The following TNN variants were observed in gnomAD, a reference collection of about 807,000 sequenced individuals.
TNN encodes tenascin N, also known as tenascin-N.
A neutral mutation model predicts 134.4 loss-of-function variants in TNN; 122 were observed. The ratio of observed to expected loss-of-function variants is 0.91; its 90% CI spans 0.78 to 1.06. The LOEUF is 1.06. Among genes scored for constraint, TNN ranks in the 50% least tolerant of loss-of-function variants. TNN has a pLI of 0.00. For missense variants in TNN, 1,739 were observed against 1,699.4 expected (o/e 1.02, Z -0.41); for synonymous variants, 710 against 670.3 (o/e 1.06, Z -0.91).
intron 9 of TNN, among the ~76,000 whole-genome samples, chr1:175,101,529 T>G (rs56288321): frequency 0.23 from 34,578 of 148,562 alleles, 4,371 homozygotes; most frequent in African/African-American, 0.31. Context: ...TTATTGTCTT[T>G]TCTGGCCCCA....
intron 12 of TNN, among the ~76,000 whole-genome samples, chr1:175,125,703 C>CTCTT (rs1173340653): frequency 0.014 from 928 of 66,278 alleles, 7 homozygotes; most frequent in Middle Eastern, 0.024. Context: ...TCTTTTTTCT[C>CTCTT]TCTTTCTTTC....
chr1:175,144,808 A>G (rs1431985176), intron 18 of TNN, among the ~76,000 whole-genome samples: 1 of 152,254 alleles, frequency 6.6e-6, no homozygotes, highest in Non-Finnish European at 1.5e-5. Flanking sequence ...GCCCACTGCC[A>G]TGTAATGACA....
Position 175,128,658 on chromosome 1 carries a change from G to A in TNN, c.3242G>A (p.Ser1081Asn). Residue 1081 changes from serine to asparagine, a missense_variant, in exon 15 of 19, where the codon AGT (serine) becomes AAT (asparagine). By Grantham distance (46) the Ser-to-Asn change is conservative. Coordinates refer to ENST00000239462, the MANE Select transcript of TNN (RefSeq NM_022093.2). ...SQVQQNSNAASGLYTIYLHGD... is the reference protein window; with the variant it reads ...SQVQQNSNAANGLYTIYLHGD... ...GTTCAGCAGAACAGCAATGCCGCCA[G>A]TGGTCTGTACACCATCTACCTGCAT... is the stretch of plus-strand genomic sequence containing the variant. 6.2e-7 allele frequency: 1 copy of A among 1,614,068 alleles called. No individual in the cohort carries two copies. The highest frequency in any genetic ancestry group is 8.5e-7 in the Non-Finnish European group (1 of 1,179,986).
At chr1:175,098,256 A>T in intron 8 of TNN, 76 bp from the exon 9 acceptor site, 1 of 1,596,094 alleles carries the variant, frequency 6.3e-7, no homozygotes, top group Non-Finnish European at 8.5e-7. Context: ...TGGAAGATGA[A>T]AATGATGAAG....
chr1:175,129,927 G>A (rs1031756883), intron 15 of TNN, among the ~76,000 whole-genome samples: 8 of 152,218 alleles, frequency 5.3e-5, no homozygotes, highest in South Asian at 2.1e-4. Flanking sequence ...TCTGAAAGAC[G>A]GAAACTTGGG....
chr1:175,069,507 G>A (rs893919960), intron 1 of TNN, among the ~76,000 whole-genome samples: 4 of 152,220 alleles, frequency 2.6e-5, no homozygotes, highest in African/African-American at 9.6e-5. Flanking sequence ...GCTGCTCTGT[G>A]GTTTGAAATG....
At chr1:175,084,845 G>C (rs1051475840) in intron 5 of TNN, among the ~76,000 whole-genome samples, 1 of 152,104 alleles carries the variant, frequency 6.6e-6, no homozygotes. Context: ...TTAAAAAAAG[G>C]GCTGGGCATA....
chr1:175,091,023 G>C (rs1447449022), intron 6 of TNN, among the ~76,000 whole-genome samples: 1 of 152,326 alleles, frequency 6.6e-6, no homozygotes, highest in South Asian at 2.1e-4. Context: ...CTGCTGAAAG[G>C]CTTCCTTGCA....
chr1:175,145,496 T>TGAGCCATGATC (rs1676040672), intron 18 of TNN, among the ~76,000 whole-genome samples: 2 of 123,668 alleles, frequency 1.6e-5, no homozygotes, highest in South Asian at 5.3e-4. Context: ...GAGACTGCAG[T>TGAGCCATGATC]GAGCCATGAT....
At chr1:175,145,036 A>C (rs1676030113) in intron 18 of TNN, among the ~76,000 whole-genome samples, 1 of 152,018 alleles carries the variant, frequency 6.6e-6, no homozygotes. Flanking sequence ...GGCGGACAGA[A>C]AGGAGCTCTG....
intron 13 of TNN, 34 bp downstream of exon 13, chr1:175,127,119 T>C: frequency 6.2e-7 from 1 of 1,603,104 alleles, no homozygotes. Flanking sequence ...TCCTGGTGCC[T>C]TCTCTTCTGT....
chr1:175,123,645 G>C lies in TNN; in HGVS notation c.2896G>C (p.Asp966His), dbSNP rs1171267448. The C allele has an allele frequency of 1.2e-6, 2 of 1,614,232 alleles. No individual in the cohort carries two copies. The highest frequency in any genetic ancestry group is 1.7e-6 in the Non-Finnish European group (2 of 1,180,054). ...QKGAQESKKA[D>H]TKAQTELDPP... is the part of the protein sequence containing the mutation. ...GGGGGCCCAGGAGAGCAAGAAGGCTGACACCAAGGCCCAGACAGGTACTGA... is the reference window on the plus strand; with the variant it reads ...GGGGGCCCAGGAGAGCAAGAAGGCTCACACCAAGGCCCAGACAGGTACTGA... The change falls in exon 12 of 19, where the codon GAC becomes CAC. Residue 966 changes from aspartate to histidine, a missense_variant. Transcript: ENST00000239462.
At chr1:175,119,629 C>CTT (rs757564360) in intron 11 of TNN, among the ~76,000 whole-genome samples, 5,388 of 132,568 alleles carry the variant, frequency 0.041, 435 homozygotes, top group African/African-American at 0.11. Context: ...CCATGAATGC[C>CTT]TTTTTTTTCT....
chr1:175,089,953 G>T, intron 6 of TNN, among the ~76,000 whole-genome samples: 1 of 152,174 alleles, frequency 6.6e-6, no homozygotes, highest in Non-Finnish European at 1.5e-5. Context: ...TCACCATTGA[G>T]AACTCCTGTC....
intron 17 of TNN, among the ~76,000 whole-genome samples, chr1:175,140,291 C>G (rs1675915377): frequency 6.6e-6 from 1 of 152,210 alleles, no homozygotes; most frequent in Admixed American, 6.5e-5. Flanking sequence ...TAGCCTCAGC[C>G]TTTCCTTCTC....
chr1:175,079,100 GT>G (rs1404899018), intron 2 of TNN, among the ~76,000 whole-genome samples: 2 of 152,182 alleles, frequency 1.3e-5, no homozygotes, highest in Non-Finnish European at 2.9e-5. Context: ...AGAAGGAGAC[GT>G]TTGCAGATGT....
At chr1:175,097,065 T>G (rs1201986539) in intron 7 of TNN, among the ~76,000 whole-genome samples, 2 of 152,258 alleles carry the variant, frequency 1.3e-5, no homozygotes, top group African/African-American at 4.8e-5. Context: ...GTATAATTGC[T>G]TTCTAGTACA....
chr1:175,086,790 A>G (rs1300204434), intron 6 of TNN, among the ~76,000 whole-genome samples: 1 of 152,226 alleles, frequency 6.6e-6, no homozygotes, highest in Admixed American at 6.5e-5. Context: ...GTCTGCCTGA[A>G]TAGTGGACTA....
At chr1:175,138,639 T>C (rs1471049383) in intron 17 of TNN, among the ~76,000 whole-genome samples, 1 of 152,200 alleles carries the variant, frequency 6.6e-6, no homozygotes, top group Non-Finnish European at 1.5e-5. Flanking sequence ...TAGAAGATCC[T>C]CACTGCCTTT....
Sources: gnomAD v4.1 joint callset for allele counts (sites outside exome capture counted in the v4.1 genomes callset) on GRCh38, gnomAD v4.1.1 for gene constraint, MANE v1.5 for transcripts, NCBI Gene and HGNC (gene_info 2026-07-23, HGNC 2026-07-21) for gene names.